Variants in EXOC6B observed in about 807,000 individuals in gnomAD.
EXOC6B encodes SEC15 homolog B.
In EXOC6B, 54 loss-of-function variants were observed where a neutral mutation model predicts 113.5. The ratio of observed to expected loss-of-function variants is 0.48; its 90% CI spans 0.38 to 0.60. The LOEUF (loss-of-function observed/expected upper bound fraction) is 0.60. Among genes scored for constraint, EXOC6B ranks in the 20% least tolerant of loss-of-function variants. The pLI is 0.00. For missense variants in EXOC6B, 797 were observed against 977.5 expected (o/e 0.82, Z 2.46); for synonymous variants, 357 against 339.0 (o/e 1.05, Z -0.58).
intron 19 of EXOC6B, among the ~76,000 whole-genome samples, chr2:72,370,184 T>A (rs912897210): frequency 4.6e-5 from 7 of 151,742 alleles, no homozygotes; most frequent in Non-Finnish European, 7.4e-5. Flanking sequence ...AAACAACCCC[T>A]TCAAAAAGTG....
At chr2:72,410,800 T>C (rs1349995096) in intron 18 of EXOC6B, among the ~76,000 whole-genome samples, 1 of 152,190 alleles carries the variant, frequency 6.6e-6, no homozygotes, top group Non-Finnish European at 1.5e-5. Flanking sequence ...CATTTATACC[T>C]ACTTTATACA....
At chr2:72,399,310 G>A (rs1272620596) in intron 18 of EXOC6B, among the ~76,000 whole-genome samples, 1 of 152,128 alleles carries the variant, frequency 6.6e-6, no homozygotes, top group Non-Finnish European at 1.5e-5. Context: ...ATACTGAACA[G>A]GGAAATGTTG....
chr2:72,438,424 C>A (rs1270878788), intron 18 of EXOC6B, among the ~76,000 whole-genome samples: 1 of 151,966 alleles, frequency 6.6e-6, no homozygotes, highest in Non-Finnish European at 1.5e-5. Context: ...GCCTGTGCAA[C>A]ATAGAGAGAC....
intron 1 of EXOC6B, among the ~76,000 whole-genome samples, chr2:72,821,626 T>C (rs1002703333): frequency 1.3e-5 from 2 of 152,088 alleles, no homozygotes; most frequent in African/African-American, 4.8e-5. Flanking sequence ...TGGAATATTA[T>C]TCATCGATAA....
chr2:72,620,906 TCATC>T (rs1385547588), intron 6 of EXOC6B, among the ~76,000 whole-genome samples: 1 of 152,038 alleles, frequency 6.6e-6, no homozygotes, highest in Admixed American at 6.6e-5. Flanking sequence ...AAAAAAATGC[TCATC>T]ATCACTGATC....
chr2:72,705,981 T>C (rs10203912), intron 6 of EXOC6B, among the ~76,000 whole-genome samples: 1,784 of 152,286 alleles, frequency 0.012, 30 homozygotes, highest in African/African-American at 0.041. Flanking sequence ...CACTTCATTA[T>C]CAATGACCAG....
chr2:72,227,791 T>A (rs1207651753), intron 20 of EXOC6B, among the ~76,000 whole-genome samples: 2 of 152,196 alleles, frequency 1.3e-5, no homozygotes, highest in Non-Finnish European at 2.9e-5. Context: ...GTCTTCTTTT[T>A]AACAAGAGTC....
rs77899764 is a variant in EXOC6B at position 72,342,959 on chromosome 2, A to G, written c.2123-7939T>C. Among the ~76,000 whole-genome samples, 1,034 of 152,302 alleles carry G rather than the reference A, an allele frequency of 6.8e-3. 12 individuals are homozygous for G. Among genetic ancestry groups the G allele is most frequent in the African/African-American group, 0.023 (964 of 41,560 alleles). ...GAGCATTCATATTCATATTCACATT[A>G]GCCATGAAAGCAACTTAAGTGCTCA... On this transcript the variant is annotated intron_variant, in intron 19 of 21. Coordinates refer to ENST00000272427, the MANE Select transcript of EXOC6B (RefSeq NM_015189.3).
At chr2:72,771,285 T>C (rs1683391130) in intron 1 of EXOC6B, among the ~76,000 whole-genome samples, 1 of 152,226 alleles carries the variant, frequency 6.6e-6, no homozygotes, top group South Asian at 2.1e-4. Context: ...CACAGAACTC[T>C]TGTATAGCCT....
intron 17 of EXOC6B, among the ~76,000 whole-genome samples, chr2:72,469,503 CTTGT>C (rs1391283118): frequency 2.0e-5 from 3 of 151,824 alleles, no homozygotes; most frequent in African/African-American, 7.3e-5. Context: ...TATTTTAATT[CTTGT>C]TTATTTTGAA....
At chr2:72,784,683 C>T (rs1284445397) in intron 1 of EXOC6B, among the ~76,000 whole-genome samples, 1 of 152,172 alleles carries the variant, frequency 6.6e-6, no homozygotes, top group African/African-American at 2.4e-5. Flanking sequence ...AAAGACCATA[C>T]ACCATGATTC....
At chr2:72,559,121 A>C (rs1030858201) in intron 8 of EXOC6B, among the ~76,000 whole-genome samples, 1 of 152,210 alleles carries the variant, frequency 6.6e-6, no homozygotes, top group Admixed American at 6.5e-5. Context: ...ATAAAAAAGT[A>C]AACATTTTCA....
intron 7 of EXOC6B, among the ~76,000 whole-genome samples, chr2:72,571,548 A>C (rs1241434497): frequency 6.6e-6 from 1 of 152,224 alleles, no homozygotes; most frequent in Non-Finnish European, 1.5e-5. Flanking sequence ...TAAAATAAAA[A>C]TAGAGAACTT....
At chr2:72,644,783 A>G (rs1356828890) in intron 6 of EXOC6B, among the ~76,000 whole-genome samples, 1 of 152,152 alleles carries the variant, frequency 6.6e-6, no homozygotes, top group East Asian at 1.9e-4. Context: ...GAGCTCCTGA[A>G]GGAAGCACTA....
At chr2:72,240,468 TTAAC>T (rs1354320815) in intron 20 of EXOC6B, among the ~76,000 whole-genome samples, 3 of 152,210 alleles carry the variant, frequency 2.0e-5, no homozygotes, top group Admixed American at 6.5e-5. Context: ...GTATAGTGCT[TTAAC>T]TGACTGTTGA....
At chr2:72,707,570 C>G (rs966639597) in intron 6 of EXOC6B, among the ~76,000 whole-genome samples, 1 of 151,844 alleles carries the variant, frequency 6.6e-6, no homozygotes, top group South Asian at 2.1e-4. Flanking sequence ...CCAGCCATCA[C>G]GCCCAGCTAA....
chr2:72,325,484 T>C (rs1476619762), intron 20 of EXOC6B, among the ~76,000 whole-genome samples: 2 of 151,960 alleles, frequency 1.3e-5, no homozygotes, highest in Non-Finnish European at 2.9e-5. Flanking sequence ...TTTCTTTCAT[T>C]CAAGCCTGGT....
intron 19 of EXOC6B, among the ~76,000 whole-genome samples, chr2:72,376,728 G>A (rs762116024): frequency 9.2e-5 from 14 of 151,990 alleles, no homozygotes; most frequent in Non-Finnish European, 1.9e-4. Flanking sequence ...TGTCATCAGT[G>A]GATCTATTTC....
intron 6 of EXOC6B, among the ~76,000 whole-genome samples, chr2:72,706,005 C>A (rs1227049856): frequency 1.3e-5 from 2 of 152,110 alleles, no homozygotes; most frequent in Non-Finnish European, 2.9e-5. Context: ...AAAGAATAAA[C>A]CAAACTTCAT....
Sources: gnomAD v4.1 joint callset for allele counts (sites outside exome capture counted in the v4.1 genomes callset) on GRCh38, gnomAD v4.1.1 for gene constraint, MANE v1.5 for transcripts, NCBI Gene and HGNC (gene_info 2026-07-23, HGNC 2026-07-21) for gene names.